The following TMEM74 variants were observed in gnomAD, a reference collection of about 807,000 sequenced individuals.
TMEM74 encodes transmembrane protein 74.
TMEM74 carries 13 observed loss-of-function variants against 18.1 expected under a neutral mutation model. The ratio of observed to expected loss-of-function variants is 0.72; its 90% confidence interval spans 0.47 to 1.14. The LOEUF is 1.14. Among genes scored for constraint, TMEM74 ranks in the 50% most tolerant of loss-of-function variants. TMEM74 has a pLI of 0.00. For synonymous variants in TMEM74, 159 were observed against 146.6 expected (o/e 1.08, Z -0.61); for missense variants, 372 against 375.9 (o/e 0.99, Z 0.09).
At chr8:108,645,839 C>A (rs1487732109) in intron 2 of TMEM74, among the ~76,000 whole-genome samples, 12 of 152,018 alleles carry the variant, frequency 7.9e-5, no homozygotes, top group African/African-American at 2.4e-4. Context: ...TAAGACTGAG[C>A]CCCTGACAAT....
intron 1 of TMEM74, among the ~76,000 whole-genome samples, chr8:108,681,883 A>C (rs1473995213): frequency 6.6e-6 from 1 of 152,194 alleles, no homozygotes; most frequent in East Asian, 1.9e-4. Flanking sequence ...TGATCTTGGG[A>C]AATGCTTCAA....
chr8:108,652,732 T>A, intron 2 of TMEM74: 1 of 533,146 alleles, frequency 1.9e-6, no homozygotes, highest in South Asian at 2.0e-5. Context: ...AGCAAAGAGA[T>A]TCTTTTGGAA....
intron 2 of TMEM74, among the ~76,000 whole-genome samples, chr8:108,644,876 A>G (rs1038041790): frequency 3.3e-5 from 5 of 152,202 alleles, no homozygotes; most frequent in African/African-American, 1.2e-4. Context: ...GCTGCAGAAA[A>G]AAGGGCATGC....
rs1814280872 is a variant in TMEM74, at chr8:108,779,822, G to A, written c.*4359C>T. ...ACCACGAGTACACTCTTGAGTGTAA[G>A]CCACAGATTCTTGAAATTAGTTTTA... On this transcript the variant is annotated 3_prime_UTR_variant, in exon 2 of 2. Transcript: ENST00000297459. Among the ~76,000 whole-genome samples the A allele has an allele frequency of 6.6e-6, 1 of 152,146 alleles. No individual in the cohort carries two copies. The highest frequency in any genetic ancestry group is 2.4e-5 in the African/African-American group (1 of 41,414).
chr8:108,695,627 C>T (rs1443749617), intron 1 of TMEM74, among the ~76,000 whole-genome samples: 3 of 152,164 alleles, frequency 2.0e-5, no homozygotes, highest in African/African-American at 7.2e-5. Flanking sequence ...AGATCTAGCC[C>T]ATTACAAAGC....
chr8:108,658,712 T>G (rs1406144592), intron 1 of TMEM74, among the ~76,000 whole-genome samples: 2 of 152,212 alleles, frequency 1.3e-5, no homozygotes, highest in Non-Finnish European at 1.5e-5. Context: ...CTCTTCGTAA[T>G]GTTGTAATCT....
intron 1 of TMEM74, among the ~76,000 whole-genome samples, chr8:108,677,157 G>T (rs999819522): frequency 2.0e-5 from 3 of 152,144 alleles, no homozygotes; most frequent in Non-Finnish European, 2.9e-5. Context: ...AATTTGTGAC[G>T]TGAATACAGT....
intron 1 of TMEM74, among the ~76,000 whole-genome samples, chr8:108,754,032 C>G (rs370638954): frequency 3.0e-4 from 46 of 152,134 alleles, no homozygotes; most frequent in African/African-American, 1.1e-3. Context: ...GAGGTAGGAG[C>G]TGAGAATTTG....
intron 1 of TMEM74, among the ~76,000 whole-genome samples, chr8:108,764,690 T>C (rs1322557869): frequency 6.6e-6 from 1 of 152,114 alleles, no homozygotes; most frequent in Non-Finnish European, 1.5e-5. Flanking sequence ...GGAGGTCATG[T>C]CTGAATGGTG....
In TMEM74 at chr8:108,782,297, A is replaced by C. The variant is rs1488671444; in HGVS notation, c.*1884T>G. Among the ~76,000 whole-genome samples the C allele has an allele frequency of 6.6e-6, 1 of 152,222 alleles. No individual in the cohort carries two copies. Among genetic ancestry groups the C allele is most frequent in the Non-Finnish European group, 1.5e-5 (1 of 68,038 alleles). ...GTAAAACAAAGTTTGTTCAAAAAGC[A>C]CAAAAATACAGCAACAGAAAGCAAA... On this transcript the variant is annotated 3_prime_UTR_variant, in exon 2 of 2. Coordinates refer to ENST00000297459, the MANE Select transcript of TMEM74 (RefSeq NM_153015.3).
rs1206388457 is a variant in TMEM74, at chr8:108,783,179, G to A, written c.*1002C>T. Among the ~76,000 whole-genome samples, 1 of 152,122 alleles carries A rather than the reference G, an allele frequency of 6.6e-6. No homozygotes were observed. The highest frequency in any genetic ancestry group is 1.5e-5 in the Non-Finnish European group (1 of 68,020). Reference sequence around the variant, plus strand: ...GTGCTCGTTGCTTGGCCTACAGCAAGTGATACAGCCTGCGAGGCACAGTCC... The same window carrying A: ...GTGCTCGTTGCTTGGCCTACAGCAAATGATACAGCCTGCGAGGCACAGTCC... On this transcript the variant is annotated 3_prime_UTR_variant, in exon 2 of 2. Transcript: ENST00000297459.
At chr8:108,717,946 T>TAAAAGGACCCCCTGGCTGCTGTACTG (rs1232594766) in intron 1 of TMEM74, among the ~76,000 whole-genome samples, 1 of 39,842 alleles carries the variant, frequency 2.5e-5, no homozygotes, top group South Asian at 7.1e-4. Flanking sequence ...ACTTAGGTTT[T>TAAAAGGACCCCCTGGCTGCTGTACTG]TTTTTTTTTT....
intron 1 of TMEM74, among the ~76,000 whole-genome samples, chr8:108,657,860 ATATATATATATATATATATATAT>A (rs1475745914): frequency 2.2e-5 from 1 of 45,640 alleles, no homozygotes; most frequent in African/African-American, 1.0e-4. Context: ...AAAAAAAAAA[ATATATATATATATATATATATAT>A]ATATATATAT....
chr8:108,744,599 G>A (rs1211735525), intron 1 of TMEM74, among the ~76,000 whole-genome samples: 1 of 152,150 alleles, frequency 6.6e-6, no homozygotes, highest in Admixed American at 6.6e-5. Context: ...GAAGACAAAA[G>A]GGAGTGAAAG....
chr8:108,695,154 G>T (rs1813267929), intron 1 of TMEM74, among the ~76,000 whole-genome samples: 1 of 138,006 alleles, frequency 7.2e-6, no homozygotes, highest in African/African-American at 2.5e-5. Context: ...CAGCAACAGT[G>T]CTTTGTGCTG....
At chr8:108,735,549 C>T (rs959930454) in intron 1 of TMEM74, among the ~76,000 whole-genome samples, 2 of 152,176 alleles carry the variant, frequency 1.3e-5, no homozygotes, top group African/African-American at 4.8e-5. Flanking sequence ...CTTCATTCCT[C>T]TTTATGGCTA....
At chr8:108,730,309 C>T (rs1813680596) in intron 1 of TMEM74, among the ~76,000 whole-genome samples, 1 of 152,186 alleles carries the variant, frequency 6.6e-6, no homozygotes, top group Non-Finnish European at 1.5e-5. Flanking sequence ...GGCAATCACT[C>T]TGGCTGTGGC....
intron 1 of TMEM74, among the ~76,000 whole-genome samples, chr8:108,726,960 A>T (rs1813645118): frequency 6.6e-6 from 1 of 152,170 alleles, no homozygotes; most frequent in South Asian, 2.1e-4. Flanking sequence ...CATTGAGAAG[A>T]TGACATCTGA....
At chr8:108,687,228 G>C (rs191246994) in intron 1 of TMEM74, among the ~76,000 whole-genome samples, 1 of 151,850 alleles carries the variant, frequency 6.6e-6, no homozygotes, top group Admixed American at 6.6e-5. Flanking sequence ...TGGAATGGAG[G>C]GAACCTATAA....
Sources: allele counts gnomAD v4.1 joint callset (sites outside exome capture counted in the v4.1 genomes callset), GRCh38; gene constraint gnomAD v4.1.1; transcripts MANE v1.5; gene names NCBI Gene and HGNC (gene_info 2026-07-23, HGNC 2026-07-21).